The following STK31 variants were observed in gnomAD, a reference collection of about 807,000 sequenced individuals.
STK31 encodes serine/threonine kinase 31.
Under a neutral mutation model 129.7 loss-of-function variants are expected in STK31, and 89 were observed. The ratio of observed to expected loss-of-function variants is 0.69; its 90% CI spans 0.58 to 0.82. STK31 has a LOEUF of 0.82. STK31 is among the 40% of genes least tolerant of loss of function. The pLI is 0.00. For missense variants in STK31, 1,187 were observed against 1,176.4 expected (o/e 1.01, Z -0.13); for synonymous variants, 448 against 395.3 (o/e 1.13, Z -1.58).
At chr7:23,806,623 G>C (rs888901023) in intron 22 of STK31, among the ~76,000 whole-genome samples, 2 of 152,182 alleles carry the variant, frequency 1.3e-5, no homozygotes, top group African/African-American at 4.8e-5. Flanking sequence ...AGGTTGGGCC[G>C]GGCGCGGTGG....
chr7:23,750,013 G>T (rs1245632611), intron 8 of STK31, among the ~76,000 whole-genome samples: 1 of 138,404 alleles, frequency 7.2e-6, no homozygotes. Context: ...TCTTTTCAGG[G>T]TAGATCTTAT....
intron 3 of STK31, 90 bp from the exon 4 acceptor site, chr7:23,717,391 C>CTT (rs1562543683): frequency 1.0e-5 from 7 of 700,126 alleles, no homozygotes; most frequent in Non-Finnish European, 1.5e-5. Context: ...GGCCTAAAAT[C>CTT]TTTTAAGTTT....
intron 22 of STK31, among the ~76,000 whole-genome samples, chr7:23,797,573 G>C (rs1314440857): frequency 6.6e-6 from 1 of 152,126 alleles, no homozygotes; most frequent in Admixed American, 6.5e-5. Flanking sequence ...TGAGAACAAA[G>C]ACACAATGTA....
At chr7:23,726,591 C>G (rs2128071515) in intron 4 of STK31, among the ~76,000 whole-genome samples, 1 of 149,930 alleles carries the variant, frequency 6.7e-6, no homozygotes, top group South Asian at 2.1e-4. Context: ...CACTCCAGGC[C>G]TGGCGACAGA....
chr7:23,763,009 T>C, intron 11 of STK31, 86 bp downstream of exon 11: 1 of 1,201,404 alleles, frequency 8.3e-7, no homozygotes, highest in African/African-American at 1.6e-5. Context: ...GACTTTAGAT[T>C]GTTCTGTGAT....
chr7:23,804,760 T>A (rs1792591447), intron 22 of STK31, among the ~76,000 whole-genome samples: 1 of 152,196 alleles, frequency 6.6e-6, no homozygotes, highest in South Asian at 2.1e-4. Flanking sequence ...CTACAATTGT[T>A]ATTTTTCAAA....
At chr7:23,784,290 A>G (rs1432847462) in intron 17 of STK31, among the ~76,000 whole-genome samples, 1 of 152,182 alleles carries the variant, frequency 6.6e-6, no homozygotes, top group African/African-American at 2.4e-5. Context: ...CACGAAGTCC[A>G]TTATAATGGC....
intron 10 of STK31, among the ~76,000 whole-genome samples, chr7:23,757,676 T>G (rs577720784): frequency 6.6e-6 from 1 of 151,476 alleles, no homozygotes; most frequent in Non-Finnish European, 1.5e-5. Flanking sequence ...TGCCCAGGGA[T>G]GAGCAGGAGA....
intron 10 of STK31, among the ~76,000 whole-genome samples, chr7:23,762,390 A>G (rs1158298023): frequency 6.6e-6 from 1 of 152,170 alleles, no homozygotes; most frequent in East Asian, 1.9e-4. Flanking sequence ...TCACATATGT[A>G]TTTCCAAACA....
Position 23,772,141 on chromosome 7 carries a change from A to T in STK31, c.1834-6A>T. The stretch of plus-strand genomic sequence containing the variant: ...GTTTGAAAATACGTAACTTTTGTTT[A>T]CTTAGTTTAAAAAGCAGCTTATTGA... On this transcript the variant is annotated splice_polypyrimidine_tract_variant and splice_region_variant and intron_variant, in intron 14 of 23. Transcript: ENST00000355870. 6.5e-7 allele frequency: 1 copy of T among 1,545,470 alleles called. No individual in the cohort carries two copies. The highest frequency in any genetic ancestry group is 8.7e-7 in the Non-Finnish European group (1 of 1,144,306).
intron 4 of STK31, among the ~76,000 whole-genome samples, chr7:23,723,399 C>G (rs1288544295): frequency 6.6e-6 from 1 of 152,070 alleles, no homozygotes; most frequent in Non-Finnish European, 1.5e-5. Context: ...CCAACTCATT[C>G]CTCAATTTTT....
chr7:23,783,731 G>A (rs1395805642), intron 17 of STK31, 68 bp downstream of exon 17: 3 of 1,282,602 alleles, frequency 2.3e-6, no homozygotes, highest in East Asian at 2.4e-5. Flanking sequence ...TATTAAATTT[G>A]TGTCAGTGTT....
chr7:23,743,494 ATT>A (rs1387424507), intron 8 of STK31, among the ~76,000 whole-genome samples: 9 of 152,126 alleles, frequency 5.9e-5, no homozygotes, highest in African/African-American at 2.2e-4. Flanking sequence ...TTACTGAGAA[ATT>A]TACAGTTAAT....
At chr7:23,726,870 A>C (rs1787118734) in intron 4 of STK31, among the ~76,000 whole-genome samples, 1 of 152,158 alleles carries the variant, frequency 6.6e-6, no homozygotes. Flanking sequence ...TGCCATGTTT[A>C]TGTTAAAAAA....
Position 23,832,195 on chromosome 7 carries a change from T to C in STK31, c.2889T>C (p.Ala963=). The change falls in exon 24 of 24, where the codon GCT becomes GCC. Residue 963 remains alanine (A), a synonymous_variant. Coordinates refer to ENST00000355870, the MANE Select transcript of STK31 (RefSeq NM_031414.5). Reference sequence around the variant, plus strand: ...TATGTTATAGAAGTTCAATGACTGCTGAACAAGTTTTAAATGCTGAATGTT... The same window carrying C: ...TATGTTATAGAAGTTCAATGACTGCCGAACAAGTTTTAAATGCTGAATGTT... The part of the protein sequence containing the change: ...SLICYRSSMT[A]EQVLNAECFL... 1 of 1,614,206 alleles carries C rather than the reference T, an allele frequency of 6.2e-7. No individual in the cohort carries two copies. The highest frequency in any genetic ancestry group is 8.5e-7 in the Non-Finnish European group (1 of 1,180,026).
At chr7:23,781,726 T>A (rs576509841) in intron 16 of STK31, among the ~76,000 whole-genome samples, 5 of 152,208 alleles carry the variant, frequency 3.3e-5, no homozygotes, top group Non-Finnish European at 7.4e-5. Flanking sequence ...AGTGTGGAAA[T>A]AACTGAAAAT....
chr7:23,728,280 C>T (rs554242324), intron 5 of STK31, among the ~76,000 whole-genome samples: 1 of 151,660 alleles, frequency 6.6e-6, no homozygotes, highest in Admixed American at 6.6e-5. Context: ...TTTACTGAAC[C>T]AGGGAAAGTG....
intron 10 of STK31, among the ~76,000 whole-genome samples, chr7:23,760,565 T>C (rs886607271): frequency 6.6e-6 from 1 of 152,214 alleles, no homozygotes; most frequent in Non-Finnish European, 1.5e-5. Flanking sequence ...ACTTTTAAAA[T>C]GGGCATATTT....
At chr7:23,818,859 A>C (rs1262075025) in intron 23 of STK31, among the ~76,000 whole-genome samples, 14 of 152,108 alleles carry the variant, frequency 9.2e-5, no homozygotes, top group Admixed American at 9.2e-4. Flanking sequence ...TCTTGACCTC[A>C]AGTGATCCAC....
Sources: gnomAD v4.1 joint callset for allele counts (sites outside exome capture counted in the v4.1 genomes callset) on GRCh38, gnomAD v4.1.1 for gene constraint, MANE v1.5 for transcripts, NCBI Gene and HGNC (gene_info 2026-07-23, HGNC 2026-07-21) for gene names.